Variants in SNTG1 observed in about 807,000 individuals in gnomAD.
The protein encoded by SNTG1 is syntrophin gamma 1, also known as gamma-1-syntrophin.
A neutral mutation model predicts 74.7 loss-of-function variants in SNTG1; 39 were observed. The observed-to-expected ratio is 0.52, with a 90% confidence interval of 0.40 to 0.68. SNTG1 has a LOEUF of 0.68. Ranked by LOEUF, SNTG1 falls within the 30% of genes least tolerant of loss-of-function variation. The pLI is 0.00. For missense variants in SNTG1, 685 were observed against 609.5 expected (o/e 1.12, Z -1.30); for synonymous variants, 254 against 217.1 (o/e 1.17, Z -1.49).
At chr8:50,435,883 T>C (rs536450230) in intron 4 of SNTG1, among the ~76,000 whole-genome samples, 29 of 152,278 alleles carry the variant, frequency 1.9e-4, no homozygotes, top group Middle Eastern at 6.8e-3. Flanking sequence ...TGGAACATGT[T>C]CTAAATATTC....
intron 3 of SNTG1, among the ~76,000 whole-genome samples, chr8:50,397,491 G>A (rs1450389924): frequency 6.6e-6 from 1 of 152,082 alleles, no homozygotes; most frequent in African/African-American, 2.4e-5. Flanking sequence ...GGAAGGAGTG[G>A]AGATCAAACT....
intron 2 of SNTG1, among the ~76,000 whole-genome samples, chr8:50,334,108 G>T (rs978787416): frequency 7.2e-5 from 11 of 152,152 alleles, no homozygotes; most frequent in African/African-American, 2.7e-4. Context: ...TGTTGGCCAG[G>T]CTGGTCTAGA....
chr8:50,208,775 A>C (rs2084368662), intron 2 of SNTG1, among the ~76,000 whole-genome samples: 1 of 152,162 alleles, frequency 6.6e-6, no homozygotes, highest in African/African-American at 2.4e-5. Context: ...AAAATCTCTC[A>C]GCATTTCCAA....
chr8:50,134,596 T>A (rs372076462), intron 1 of SNTG1, among the ~76,000 whole-genome samples: 3 of 152,252 alleles, frequency 2.0e-5, no homozygotes, highest in Non-Finnish European at 4.4e-5. Flanking sequence ...TTTTCTGTGA[T>A]GACAGGGAAA....
intron 1 of SNTG1, among the ~76,000 whole-genome samples, chr8:49,925,726 A>G (rs1297487497): frequency 6.6e-6 from 1 of 152,214 alleles, no homozygotes; most frequent in African/African-American, 2.4e-5. Context: ...TTGCACTCAG[A>G]GTAAACTATC....
At chr8:49,947,069 G>C (rs1393854531) in intron 1 of SNTG1, among the ~76,000 whole-genome samples, 2 of 152,202 alleles carry the variant, frequency 1.3e-5, no homozygotes, top group Non-Finnish European at 2.9e-5. Context: ...GGAGGCTGAG[G>C]TGGGCAGATC....
chr8:50,515,314 A>T (rs780051405), intron 9 of SNTG1, among the ~76,000 whole-genome samples: 3 of 151,664 alleles, frequency 2.0e-5, no homozygotes, highest in Non-Finnish European at 4.4e-5. Flanking sequence ...GTGTAAAAAT[A>T]CACATACCTT....
chr8:50,649,576 C>G (rs1338861490), intron 13 of SNTG1, among the ~76,000 whole-genome samples: 2 of 152,150 alleles, frequency 1.3e-5, no homozygotes, highest in African/African-American at 2.4e-5. Context: ...CAAAATTTAT[C>G]TCTTTCTGTC....
chr8:50,339,134 A>T (rs1208046550), intron 2 of SNTG1, among the ~76,000 whole-genome samples: 2 of 152,118 alleles, frequency 1.3e-5, no homozygotes, highest in African/African-American at 2.4e-5. Context: ...AAACAAGTGG[A>T]GTGAAATAAT....
chr8:50,476,738 T>G (rs1302267872), intron 8 of SNTG1, among the ~76,000 whole-genome samples: 4 of 152,092 alleles, frequency 2.6e-5, no homozygotes, highest in Non-Finnish European at 1.5e-5. Flanking sequence ...GTCACTTCAG[T>G]GGAAATGAGC....
intron 15 of SNTG1, among the ~76,000 whole-genome samples, chr8:50,667,700 A>G (rs867317202): frequency 6.6e-6 from 1 of 152,044 alleles, no homozygotes; most frequent in African/African-American, 2.4e-5. Flanking sequence ...CCATAGTACC[A>G]TCTTAGTAAA....
chr8:49,913,642 A>T (rs1478009968), intron 1 of SNTG1, among the ~76,000 whole-genome samples: 1 of 152,214 alleles, frequency 6.6e-6, no homozygotes, highest in Non-Finnish European at 1.5e-5. Context: ...AGAAACATGT[A>T]TTATTGATTT....
rs918676843 is a variant in SNTG1, at chr8:50,703,112, A to C, written c.1039-1488A>C. Among the ~76,000 whole-genome samples the C allele has an allele frequency of 5.9e-4, 89 of 152,122 alleles. 3 individuals carry two copies. The highest frequency in any genetic ancestry group is 2.8e-4 in the Non-Finnish European group (19 of 68,024). On this transcript the variant is annotated intron_variant, in intron 15 of 18. Transcript: ENST00000642720. ...ACTTAGACTACACTACATTTATAAGAAGTATTTTTTTCTGCAATAATAAAC... is the reference window on the plus strand; with the variant it reads ...ACTTAGACTACACTACATTTATAAGCAGTATTTTTTTCTGCAATAATAAAC...
chr8:50,376,752 TATATAGAGAGAGAG>T (rs977120521), intron 2 of SNTG1, among the ~76,000 whole-genome samples: 6 of 100,804 alleles, frequency 6.0e-5, no homozygotes, highest in East Asian at 5.1e-4. Flanking sequence ...TATATATATA[TATATAGAGAGAGAG>T]AGAGAGAGAG....
At chr8:49,938,602 C>CTTTTTTTCTTTTCT (rs371390753) in intron 1 of SNTG1, among the ~76,000 whole-genome samples, 1 of 8,110 alleles carries the variant, frequency 1.2e-4, no homozygotes, top group African/African-American at 2.5e-4. Flanking sequence ...CTTTTCTTTT[C>CTTTTTTTCTTTTCT]TTTTCTTTCT....
chr8:50,598,148 C>T lies in SNTG1; in HGVS notation c.849+7231C>T, dbSNP rs371619931. ...TTATTTTAAAAACTCCTTGCCCAGCCCAATTTCATGAAGCAATTTCCCTAT... is the reference window on the plus strand; with the variant it reads ...TTATTTTAAAAACTCCTTGCCCAGCTCAATTTCATGAAGCAATTTCCCTAT... On this transcript the variant is annotated intron_variant, in intron 13 of 18. Coordinates refer to ENST00000642720, the MANE Select transcript of SNTG1 (RefSeq NM_018967.5). Among the ~76,000 whole-genome samples, 10 of 151,834 alleles carry T rather than the reference C, an allele frequency of 6.6e-5. No homozygotes were observed. In the East Asian group the frequency reaches 1.7e-3, roughly 26 times the overall value.
chr8:50,089,543 C>G (rs2079632494), intron 1 of SNTG1, among the ~76,000 whole-genome samples: 1 of 151,976 alleles, frequency 6.6e-6, no homozygotes, highest in Non-Finnish European at 1.5e-5. Context: ...CTACAATGAA[C>G]TCAAACAAAT....
chr8:50,754,924 T>C (rs1408738949), intron 18 of SNTG1, among the ~76,000 whole-genome samples: 1 of 151,904 alleles, frequency 6.6e-6, no homozygotes, highest in East Asian at 1.9e-4. Flanking sequence ...TGGATTTTTT[T>C]CCTTTCCTTT....
At chr8:50,203,837 G>A (rs1586678715) in intron 2 of SNTG1, among the ~76,000 whole-genome samples, 1 of 151,940 alleles carries the variant, frequency 6.6e-6, no homozygotes, top group Admixed American at 6.6e-5. Context: ...GAAGAATAAT[G>A]TAAGACTTTT....
Sources: gnomAD v4.1 joint callset for allele counts (sites outside exome capture counted in the v4.1 genomes callset) on GRCh38, gnomAD v4.1.1 for gene constraint, MANE v1.5 for transcripts, NCBI Gene and HGNC (gene_info 2026-07-23, HGNC 2026-07-21) for gene names.